CORO2B: variants seen among roughly 807,000 people sequenced by gnomAD.
CORO2B encodes the protein coronin-2B.
A neutral mutation model predicts 58.8 loss-of-function variants in CORO2B; 26 were observed. The observed-to-expected ratio is 0.44, with a 90% confidence interval of 0.32 to 0.61. The LOEUF (loss-of-function observed/expected upper bound fraction) is 0.61, where lower values mean the gene tolerates loss of function less well. Ranked by LOEUF, CORO2B falls within the 20% of genes least tolerant of loss-of-function variation. The probability of loss-of-function intolerance (pLI) is 0.04; values close to 1 mark genes in which losing one functional copy is unlikely to be tolerated. For missense variants in CORO2B, 460 were observed against 645.1 expected (o/e 0.71, Z 3.11); for synonymous variants, 242 against 253.8 (o/e 0.95, Z 0.44).
chr15:68,706,246 C>T (rs1349067421), intron 3 of CORO2B, among the ~76,000 whole-genome samples: 3 of 152,328 alleles, frequency 2.0e-5, no homozygotes, highest in African/African-American at 7.2e-5. Flanking sequence ...GCCTCCTCAC[C>T]GCTTCCAACA....
intron 2 of CORO2B, among the ~76,000 whole-genome samples, chr15:68,671,137 A>G (rs1450549943): frequency 6.6e-6 from 1 of 152,218 alleles, no homozygotes; most frequent in African/African-American, 2.4e-5. Context: ...CTGTTCAAGA[A>G]TGTTCAATGG....
the CORO2B span, among the ~76,000 whole-genome samples, chr15:68,539,116 T>A: frequency 6.6e-6 from 1 of 152,220 alleles, no homozygotes; most frequent in Non-Finnish European, 1.5e-5. Flanking sequence ...TAACCAAAGA[T>A]AAAGGCTAGC....
At chr15:68,634,779 C>G (rs915926863) in intron 1 of CORO2B, among the ~76,000 whole-genome samples, 7 of 152,158 alleles carry the variant, frequency 4.6e-5, no homozygotes, top group Admixed American at 3.9e-4. Flanking sequence ...GAGAGTGATA[C>G]CCAACTGAAT....
At chr15:68,596,519 G>C (rs1390925302) in intron 1 of CORO2B, among the ~76,000 whole-genome samples, 2 of 152,136 alleles carry the variant, frequency 1.3e-5, no homozygotes, top group African/African-American at 4.8e-5. Flanking sequence ...GGCCTGGTCT[G>C]GTGGGAAAGG....
chr15:68,727,793 T>C lies in CORO2B; in HGVS notation c.*1819T>C, dbSNP rs1384318437. ...AAGGATAGAATTGAAATAAAATGTTTTCAACTTATCAAACCTGGGCATAGC... is the reference window on the plus strand; with the variant it reads ...AAGGATAGAATTGAAATAAAATGTTCTCAACTTATCAAACCTGGGCATAGC... On this transcript the variant is annotated 3_prime_UTR_variant, in exon 12 of 12. Coordinates refer to ENST00000261861, the MANE Select transcript of CORO2B (RefSeq NM_006091.5). The C allele has an allele frequency of 2.0e-5, 3 of 152,584 alleles. No homozygotes were observed. The highest frequency in any genetic ancestry group is 4.4e-5 in the Non-Finnish European group (3 of 68,044). The allele number at this position is 152,584 out of a possible 1,614,324, so 9.5% of individuals were successfully genotyped here. A position where few individuals can be genotyped will look rare whatever the true frequency, so the allele number is the denominator to read the frequency against.
intron 1 of CORO2B, among the ~76,000 whole-genome samples, chr15:68,619,679 G>A (rs765507637): frequency 8.4e-4 from 128 of 151,820 alleles, no homozygotes; most frequent in African/African-American, 2.6e-3. Context: ...GTGTGTGTGT[G>A]TATATATATA....
intron 1 of CORO2B, among the ~76,000 whole-genome samples, chr15:68,619,743 G>A (rs1900464770): frequency 6.6e-6 from 1 of 151,122 alleles, no homozygotes; most frequent in South Asian, 2.1e-4. Flanking sequence ...ATATATATGA[G>A]TGCGTGCATG....
chr15:68,641,207 C>T (rs1205198629), intron 1 of CORO2B, among the ~76,000 whole-genome samples: 1 of 152,220 alleles, frequency 6.6e-6, no homozygotes, highest in Non-Finnish European at 1.5e-5. Context: ...CCTGCCCAGG[C>T]CCATCCCCGG....
intron 1 of CORO2B, chr15:68,631,889 G>A: frequency 1.0e-6 from 1 of 958,760 alleles, no homozygotes; most frequent in Non-Finnish European, 1.2e-6. Context: ...CTCGCAGTCA[G>A]TGTAAATAGG....
chr15:68,689,708 G>A (rs1002548684), intron 2 of CORO2B, among the ~76,000 whole-genome samples: 4 of 152,174 alleles, frequency 2.6e-5, no homozygotes, highest in Admixed American at 6.5e-5. Context: ...GGCATATGTG[G>A]GACTTGGGGA....
the CORO2B span, among the ~76,000 whole-genome samples, chr15:68,540,641 G>C: frequency 1.3e-5 from 2 of 152,210 alleles, no homozygotes; most frequent in African/African-American, 4.8e-5. Context: ...TTGTCACACT[G>C]AGTTAGAATA....
upstream of CORO2B, among the ~76,000 whole-genome samples, chr15:68,575,409 C>A (rs1899260951): frequency 7.4e-6 from 1 of 134,626 alleles, no homozygotes; most frequent in African/African-American, 2.8e-5. Context: ...GCGATCTCAG[C>A]TCACTGCAAC....
intron 1 of CORO2B, among the ~76,000 whole-genome samples, chr15:68,597,913 G>C (rs1272848604): frequency 6.6e-6 from 1 of 152,218 alleles, no homozygotes; most frequent in Non-Finnish European, 1.5e-5. Context: ...AGTGAGGACT[G>C]AGAGGAGGGC....
intron 2 of CORO2B, among the ~76,000 whole-genome samples, chr15:68,666,745 C>T (rs1237961650): frequency 6.6e-6 from 1 of 152,146 alleles, no homozygotes; most frequent in African/African-American, 2.4e-5. Context: ...TCTCTAAGCC[C>T]ATGTGCTGGA....
chr15:68,680,475 C>A (rs970250223), intron 2 of CORO2B, among the ~76,000 whole-genome samples: 18 of 152,196 alleles, frequency 1.2e-4, no homozygotes, highest in Non-Finnish European at 2.6e-4. Context: ...CAACAGAAGG[C>A]TCTGCACCAT....
At chr15:68,607,010 A>G (rs1900141027) in intron 1 of CORO2B, among the ~76,000 whole-genome samples, 1 of 152,208 alleles carries the variant, frequency 6.6e-6, no homozygotes. Context: ...AGCCTTCTCC[A>G]AACATCTTGA....
the CORO2B span, among the ~76,000 whole-genome samples, chr15:68,562,963 C>G: frequency 4.6e-5 from 6 of 130,512 alleles, no homozygotes; most frequent in Admixed American, 1.7e-4. Flanking sequence ...GGCGACAGAG[C>G]AAGACTCCAT....
At chr15:68,519,042 TCA>T in the CORO2B span, among the ~76,000 whole-genome samples, 15 of 152,262 alleles carry the variant, frequency 9.9e-5, no homozygotes, top group African/African-American at 3.6e-4. Flanking sequence ...CAGGACTGCC[TCA>T]CACTCAGGAG....
intron 1 of CORO2B, among the ~76,000 whole-genome samples, chr15:68,617,921 A>G (rs542941131): frequency 5.9e-5 from 9 of 152,276 alleles, no homozygotes; most frequent in Admixed American, 4.6e-4. Context: ...GTAACATGCC[A>G]TTCTGGATTA....
Sources: allele counts gnomAD v4.1 joint callset (sites outside exome capture counted in the v4.1 genomes callset), GRCh38; gene constraint gnomAD v4.1.1; transcripts MANE v1.5; gene names NCBI Gene and HGNC (gene_info 2026-07-23, HGNC 2026-07-21).